The following SEC63 variants were observed in gnomAD, a reference collection of about 807,000 sequenced individuals.
SEC63 encodes SEC63 protein translocation regulator, also known as translocation protein SEC63 homolog.
In SEC63, 56 loss-of-function variants were observed where a neutral mutation model predicts 116.2. The observed-to-expected ratio is 0.48, with a 90% CI of 0.39 to 0.60. The LOEUF (loss-of-function observed/expected upper bound fraction) is 0.60, where lower values mean the gene tolerates loss of function less well. Ranked by LOEUF, SEC63 falls within the 20% of genes least tolerant of loss-of-function variation. SEC63 has a pLI of 0.00. For missense variants in SEC63, 668 were observed against 900.0 expected, an observed-to-expected ratio of 0.74 and a Z score of 3.30; for synonymous variants, 273 against 294.6, an observed-to-expected ratio of 0.93 and a Z score of 0.75.
At chr6:107,901,563 AG>A in intron 12 of SEC63, 46 bp from the exon 13 acceptor site, 1 of 1,381,770 alleles carries the variant, frequency 7.2e-7, no homozygotes, top group Non-Finnish European at 1.0e-6. Flanking sequence ...TAACTCACAA[AG>A]CTTTTCATAA....
intron 16 of SEC63, among the ~76,000 whole-genome samples, chr6:107,883,726 G>A (rs1786464361): frequency 1.3e-5 from 2 of 151,388 alleles, no homozygotes; most frequent in African/African-American, 4.9e-5. Context: ...AGAATCATTT[G>A]AGCCCAGGAG....
chr6:107,940,522 T>G (rs540187301), intron 1 of SEC63, among the ~76,000 whole-genome samples: 2 of 151,956 alleles, frequency 1.3e-5, no homozygotes, highest in Admixed American at 1.3e-4. Context: ...ACCCACTAGA[T>G]GCCAGGAACA....
intron 18 of SEC63, 86 bp downstream of exon 18, chr6:107,881,063 C>T (rs1213456043): frequency 1.7e-5 from 16 of 940,220 alleles, no homozygotes; most frequent in Non-Finnish European, 2.6e-5. Flanking sequence ...AACTAATACA[C>T]ACGACAGAGG....
intron 16 of SEC63, among the ~76,000 whole-genome samples, chr6:107,889,182 T>A (rs1447097311): frequency 6.6e-6 from 1 of 152,216 alleles, no homozygotes; most frequent in East Asian, 1.9e-4. Context: ...CTCCTCTTTG[T>A]AGCTCTGGTA....
rs534292192 is a variant in SEC63, at chr6:107,930,229, C to G, written c.125-715G>C. On this transcript the variant is annotated intron_variant, in intron 1 of 20. Transcript: ENST00000369002. ...ACTGGGTCTTGCTATGTTGCCAAGG[C>G]TGGTCTCAAACTCCTGGCCTCAAGC... 2.6e-5 allele frequency: 3 copies of G among 115,404 alleles called. No homozygotes were observed. The East Asian group carries it at 8.1e-4, about 31-fold the overall frequency. The allele number at this position is 115,404 out of a possible 1,614,324, so 7.1% of individuals were successfully genotyped here. A position where few individuals can be genotyped will look rare whatever the true frequency, so the allele number is the denominator to read the frequency against.
chr6:107,937,692 C>A (rs931943613), intron 1 of SEC63, among the ~76,000 whole-genome samples: 5 of 152,136 alleles, frequency 3.3e-5, no homozygotes, highest in African/African-American at 4.8e-5. Context: ...TTCCCTGTAA[C>A]CTCCCTAGCA....
At chr6:107,913,543 G>A (rs1353420297) in intron 4 of SEC63, 116 bp from the exon 5 acceptor site, 44 of 787,426 alleles carry the variant, frequency 5.6e-5, no homozygotes, top group Non-Finnish European at 8.1e-5. Flanking sequence ...CTGATTCCAT[G>A]AATCAAGAAA....
intron 1 of SEC63, among the ~76,000 whole-genome samples, chr6:107,929,913 A>C (rs1417808590): frequency 6.6e-6 from 1 of 152,240 alleles, no homozygotes; most frequent in East Asian, 1.9e-4. Context: ...AGCAGAAATA[A>C]TACTCTTCAA....
At position 107,929,531 on chromosome 6, in the gene SEC63, A is replaced by G. The variant is rs557459430; in HGVS notation, c.125-17T>C. On this transcript the variant is annotated splice_polypyrimidine_tract_variant and intron_variant, in intron 1 of 20. Coordinates refer to ENST00000369002, the MANE Select transcript of SEC63 (RefSeq NM_007214.5). ...GAATTTGCTCTGTCAAGAAAGAAAA[A>G]TAAGATGAATTAAAAACCATTTTTC... 1.4e-6 allele frequency: 2 copies of G among 1,453,330 alleles called. No individual in the cohort carries two copies. Among genetic ancestry groups the G allele is most frequent in the South Asian group, 2.3e-5 (2 of 87,592 alleles). The allele number at this position is 1,453,330 out of a possible 1,614,324, so 90.0% of individuals were successfully genotyped here. A position where few individuals can be genotyped will look rare whatever the true frequency, so the allele number is the denominator to read the frequency against.
At position 107,908,830 on chromosome 6, in the gene SEC63, T is replaced by C. The variant is rs563051954; in HGVS notation, c.733+97A>G. On this transcript the variant is annotated intron_variant, in intron 8 of 20. Transcript: ENST00000369002. ...ATTAACTATTTATAAAACTGTACAA[T>C]AGAATCTCAACAGTATAGAGTTAAG... 6.2e-4 allele frequency: 439 copies of C among 703,060 alleles called. 4 individuals are homozygous for C. The African/African-American group carries it at 6.3e-3, about 10-fold the overall frequency. The allele number at this position is 703,060 out of a possible 1,614,324, so 43.6% of individuals were successfully genotyped here. A position where few individuals can be genotyped will look rare whatever the true frequency, so the allele number is the denominator to read the frequency against.
At chr6:107,920,604 T>C (rs990344674) in intron 4 of SEC63, among the ~76,000 whole-genome samples, 7 of 152,138 alleles carry the variant, frequency 4.6e-5, no homozygotes, top group African/African-American at 9.7e-5. Context: ...CAAAGTATGC[T>C]TGTATTTATT....
Position 107,868,299 on chromosome 6 carries a change from C to T in SEC63, c.*3405G>A, listed in dbSNP as rs1786046696. The T allele has an allele frequency of 6.6e-6, 1 of 151,822 alleles. No individual in the cohort carries two copies. Among genetic ancestry groups the T allele is most frequent in the South Asian group, 2.1e-4 (1 of 4,818 alleles). The allele number at this position is 151,822 out of a possible 1,614,324, so 9.4% of individuals were successfully genotyped here. A position where few individuals can be genotyped will look rare whatever the true frequency, so the allele number is the denominator to read the frequency against. Reference sequence around the variant, plus strand: ...TTTTTTTCCAAAAAAACCCAACAGGCTGGGCGCAGTGGCTCATGCCTGTAA... The same window carrying T: ...TTTTTTTCCAAAAAAACCCAACAGGTTGGGCGCAGTGGCTCATGCCTGTAA... On this transcript the variant is annotated 3_prime_UTR_variant, in exon 21 of 21. Transcript: ENST00000369002.
intron 1 of SEC63, 81 bp from the exon 2 acceptor site, chr6:107,929,595 T>C (rs1178602734): frequency 1.3e-6 from 1 of 787,658 alleles, no homozygotes; most frequent in Non-Finnish European, 2.2e-6. Flanking sequence ...TTAACTAACC[T>C]TCATTACCAC....
intron 1 of SEC63, chr6:107,955,975 T>A (rs747031466): frequency 7.0e-6 from 3 of 425,818 alleles, no homozygotes; most frequent in Non-Finnish European, 1.4e-5. Flanking sequence ...CATGAAAATA[T>A]GACTTTCAAA....
chr6:107,874,381 T>G (rs554956019), intron 19 of SEC63, among the ~76,000 whole-genome samples: 4 of 151,634 alleles, frequency 2.6e-5, no homozygotes, highest in South Asian at 2.1e-4. Context: ...GATCACAAGG[T>G]CAGGAGATTG....
At chr6:107,877,719 G>T (rs1786314579) in intron 18 of SEC63, among the ~76,000 whole-genome samples, 1 of 152,148 alleles carries the variant, frequency 6.6e-6, no homozygotes, top group Non-Finnish European at 1.5e-5. Context: ...TAGGATTACA[G>T]GCATGAGTCA....
chr6:107,937,840 T>C (rs888188787), intron 1 of SEC63, among the ~76,000 whole-genome samples: 1 of 152,234 alleles, frequency 6.6e-6, no homozygotes, highest in Non-Finnish European at 1.5e-5. Flanking sequence ...AAAAATTTCT[T>C]CTTTTAAGAA....
At chr6:107,907,269 T>C (rs1052736422) in intron 8 of SEC63, among the ~76,000 whole-genome samples, 1 of 152,136 alleles carries the variant, frequency 6.6e-6, no homozygotes, top group Non-Finnish European at 1.5e-5. Flanking sequence ...TTTGTGGAAA[T>C]ACACATGATT....
chr6:107,927,063 A>T (rs1244474424), intron 2 of SEC63, among the ~76,000 whole-genome samples: 1 of 151,948 alleles, frequency 6.6e-6, no homozygotes, highest in Non-Finnish European at 1.5e-5. Flanking sequence ...TTCAAGTGTC[A>T]TCTTTTTTTC....
Sources: allele counts gnomAD v4.1 joint callset (sites outside exome capture counted in the v4.1 genomes callset), GRCh38; gene constraint gnomAD v4.1.1; transcripts MANE v1.5; gene names NCBI Gene and HGNC (gene_info 2026-07-23, HGNC 2026-07-21).